The following DSCAM variants were observed in gnomAD, a reference collection of about 807,000 sequenced individuals.
The protein encoded by DSCAM is DS cell adhesion molecule, also known as cell adhesion molecule DSCAM.
DSCAM carries 47 observed loss-of-function variants against 217.7 expected under a neutral mutation model. The observed-to-expected ratio is 0.22, with a 90% confidence interval of 0.17 to 0.28. DSCAM has a LOEUF of 0.28. Ranked by LOEUF, DSCAM falls within the 10% of genes least tolerant of loss-of-function variation. The pLI is 1.00. For missense variants in DSCAM, 2,080 were observed against 2,618.3 expected, an observed-to-expected ratio of 0.79 and a Z score of 4.49; for synonymous variants, 1,056 against 1,015.3, an observed-to-expected ratio of 1.04 and a Z score of -0.76.
intron 8 of DSCAM, among the ~76,000 whole-genome samples, chr21:40,316,686 C>T (rs2074200733): frequency 1.3e-5 from 2 of 152,172 alleles, no homozygotes; most frequent in South Asian, 2.1e-4. Flanking sequence ...ACGTAAATAT[C>T]TGATAAAGGT....
At chr21:40,023,340 T>C (rs2088312243) in intron 32 of DSCAM, among the ~76,000 whole-genome samples, 1 of 152,166 alleles carries the variant, frequency 6.6e-6, no homozygotes, top group South Asian at 2.1e-4. Flanking sequence ...CGTGTGCATA[T>C]GTCTTTATAG....
At chr21:40,799,964 T>C (rs2091725003) in intron 1 of DSCAM, among the ~76,000 whole-genome samples, 1 of 152,216 alleles carries the variant, frequency 6.6e-6, no homozygotes, top group African/African-American at 2.4e-5. Context: ...TGTGGCAATA[T>C]TGAAATGTGG....
In DSCAM at chr21:40,029,691, G is replaced by C. The variant is rs181109680; in HGVS notation, c.5686+12680C>G. ...AAGGCTGGCCACCGTATTCTCAGTT[G>C]TCATTTTGACCATGCTGTTTTCCCT... On this transcript the variant is annotated intron_variant, in intron 32 of 32. Coordinates refer to ENST00000400454, the MANE Select transcript of DSCAM (RefSeq NM_001389.5). 8.5e-5 allele frequency among the ~76,000 whole-genome samples: 13 copies of C among 152,228 alleles called. No individual in the cohort carries two copies. The East Asian group carries it at 2.5e-3, about 29-fold the overall frequency.
intron 15 of DSCAM, among the ~76,000 whole-genome samples, chr21:40,178,574 A>T (rs1013353154): frequency 2.0e-5 from 3 of 152,192 alleles, no homozygotes; most frequent in Non-Finnish European, 4.4e-5. Flanking sequence ...ACAGGGTCTC[A>T]GGAAAGAAAC....
At chr21:40,637,598 T>TATACAAATATATAC (rs1177465369) in intron 3 of DSCAM, among the ~76,000 whole-genome samples, 2 of 49,660 alleles carry the variant, frequency 4.0e-5, no homozygotes, top group East Asian at 5.1e-4. Context: ...TATATAAATA[T>TATACAAATATATAC]ATATATAAAT....
chr21:40,047,054 C>T (rs1306476275), intron 30 of DSCAM, among the ~76,000 whole-genome samples: 1 of 151,840 alleles, frequency 6.6e-6, no homozygotes. Context: ...TACTGGTGGC[C>T]TGATAATGTT....
chr21:40,596,605 G>T (rs59941772), intron 3 of DSCAM, among the ~76,000 whole-genome samples: 1 of 152,040 alleles, frequency 6.6e-6, no homozygotes, highest in Admixed American at 6.5e-5. Context: ...TTAAAAACAA[G>T]AACAACAGAA....
intron 2 of DSCAM, 23 bp downstream of exon 2, chr21:40,708,431 A>C (rs2090740618): frequency 3.6e-6 from 5 of 1,386,180 alleles, no homozygotes; most frequent in Non-Finnish European, 4.7e-6. Context: ...CACAGAAAAA[A>C]CAAAGCCCAG....
At chr21:40,264,846 A>G (rs1254542591) in intron 11 of DSCAM, among the ~76,000 whole-genome samples, 1 of 152,204 alleles carries the variant, frequency 6.6e-6, no homozygotes, top group African/African-American at 2.4e-5. Flanking sequence ...AGGTTACAAT[A>G]TCAATATACA....
In DSCAM at chr21:40,347,906, C is replaced by T. The variant is rs2074576898; in HGVS notation, c.974G>A (p.Ser325Asn). ...KATISPRKVK[S>N]SVGSQVSLSC... ...CAAGGAAACTTGGCTACCCACGCTG[C>T]TTTTAACCTTCCTGGGACTGATGGT... The change falls in exon 6 of 33, where the codon AGC becomes AAC. Residue 325 changes from serine to asparagine, a missense_variant. By Grantham distance (46) the Ser-to-Asn change is conservative. Coordinates refer to ENST00000400454, the MANE Select transcript of DSCAM (RefSeq NM_001389.5). 1.2e-6 allele frequency: 2 copies of T among 1,613,936 alleles called. No homozygotes were observed. The highest frequency in any genetic ancestry group is 1.7e-6 in the Non-Finnish European group (2 of 1,179,928).
chr21:40,454,416 C>G (rs2145935425), intron 3 of DSCAM, among the ~76,000 whole-genome samples: 1 of 152,254 alleles, frequency 6.6e-6, no homozygotes, highest in Non-Finnish European at 1.5e-5. Context: ...TCTGTGAAGA[C>G]CACTCTGAAA....
rs564508726 is a variant in DSCAM, at chr21:40,305,873, C to T, written c.2062+6208G>A. 5.7e-3 allele frequency among the ~76,000 whole-genome samples: 866 copies of T among 152,262 alleles called. 7 individuals are homozygous for T. Among genetic ancestry groups the T allele is most frequent in the Middle Eastern group, 0.014 (4 of 294 alleles). ...TGTAGTATAGTTTGAAGTCAGGTAG[C>T]ATGATGCCTCCAGCTTTGTTCTTTT... On this transcript the variant is annotated intron_variant, in intron 9 of 32. Coordinates refer to ENST00000400454, the MANE Select transcript of DSCAM (RefSeq NM_001389.5).
chr21:40,132,723 T>C (rs1207342797), intron 19 of DSCAM, among the ~76,000 whole-genome samples: 2 of 152,270 alleles, frequency 1.3e-5, no homozygotes, highest in Non-Finnish European at 2.9e-5. Flanking sequence ...ACGTGGAAGA[T>C]GGCAGGCTCA....
intron 1 of DSCAM, among the ~76,000 whole-genome samples, chr21:40,733,603 T>C (rs1206657975): frequency 1.3e-5 from 2 of 152,140 alleles, no homozygotes; most frequent in African/African-American, 4.8e-5. Flanking sequence ...CCTCTGAGCA[T>C]GGCACCCATA....
At chr21:40,718,082 TAAAA>T (rs1226596931) in intron 1 of DSCAM, among the ~76,000 whole-genome samples, 1 of 151,560 alleles carries the variant, frequency 6.6e-6, no homozygotes, top group African/African-American at 2.4e-5. Flanking sequence ...GTGAAGAAAA[TAAAA>T]AAAGTCAATA....
At chr21:40,761,030 C>T (rs889235083) in intron 1 of DSCAM, among the ~76,000 whole-genome samples, 3 of 152,204 alleles carry the variant, frequency 2.0e-5, no homozygotes, top group African/African-American at 7.2e-5. Flanking sequence ...TGGAATGCAA[C>T]AGTCATTGTT....
intron 3 of DSCAM, among the ~76,000 whole-genome samples, chr21:40,444,045 G>A (rs1223553061): frequency 1.3e-5 from 2 of 152,110 alleles, no homozygotes; most frequent in East Asian, 3.9e-4. Context: ...AATAATAGAG[G>A]AAAAACTGCT....
intron 32 of DSCAM, among the ~76,000 whole-genome samples, chr21:40,021,137 C>G (rs74900867): frequency 0.044 from 6,176 of 139,014 alleles, 184 homozygotes; most frequent in Non-Finnish European, 0.064. Flanking sequence ...GAGATGGAAA[C>G]ACACACAGGG....
At chr21:40,249,645 T>C (rs540556065) in intron 11 of DSCAM, among the ~76,000 whole-genome samples, 1 of 152,304 alleles carries the variant, frequency 6.6e-6, no homozygotes, top group South Asian at 2.1e-4. Flanking sequence ...GAGAAAGTTG[T>C]TCATGAAGGC....
Sources: allele counts gnomAD v4.1 joint callset (sites outside exome capture counted in the v4.1 genomes callset), GRCh38; gene constraint gnomAD v4.1.1; transcripts MANE v1.5; gene names NCBI Gene and HGNC (gene_info 2026-07-23, HGNC 2026-07-21).